The following CSMD1 variants were observed in gnomAD, a reference collection of about 807,000 sequenced individuals.
The protein encoded by CSMD1 is CUB and sushi domain-containing protein 1.
Under a neutral mutation model 417.5 loss-of-function variants are expected in CSMD1, and 213 were observed. The ratio of observed to expected loss-of-function variants is 0.51; its 90% CI spans 0.46 to 0.57. The LOEUF is 0.57. CSMD1 is among the 20% of genes least tolerant of loss of function. The pLI is 0.00. For missense variants in CSMD1, 6,923 were observed against 4,529.7 expected, an observed-to-expected ratio of 1.53 and a Z score of -15.17; for synonymous variants, 2,862 against 1,736.8, an observed-to-expected ratio of 1.65 and a Z score of -16.11.
chr8:4,644,415 TA>T (rs1208463314), intron 1 of CSMD1, among the ~76,000 whole-genome samples: 13 of 76,488 alleles, frequency 1.7e-4, no homozygotes, highest in Middle Eastern at 8.5e-3. Context: ...CCCTTTGCCC[TA>T]TTTTTTTTTG....
intron 10 of CSMD1, among the ~76,000 whole-genome samples, chr8:3,556,460 T>G (rs1455454041): frequency 6.9e-6 from 1 of 144,338 alleles, no homozygotes; most frequent in South Asian, 2.2e-4. Context: ...GTTGAGATAA[T>G]TTGTTCAGTC....
chr8:4,419,858 A>G (rs1797147661), intron 3 of CSMD1, 95 bp downstream of exon 3: 2 of 862,610 alleles, frequency 2.3e-6, no homozygotes, highest in Non-Finnish European at 3.7e-6. Flanking sequence ...ACGACCTGCG[A>G]CATAGCAGCC....
At chr8:4,250,128 C>G (rs573530148) in intron 3 of CSMD1, among the ~76,000 whole-genome samples, 1 of 152,250 alleles carries the variant, frequency 6.6e-6, no homozygotes, top group Admixed American at 6.5e-5. Flanking sequence ...TGATCAACTA[C>G]CAGTGACTTC....
In CSMD1 at chr8:4,469,290, C is replaced by G. The variant is rs377705498; in HGVS notation, c.303-49225G>C. On this transcript the variant is annotated intron_variant, in intron 2 of 69. Transcript: ENST00000635120. The stretch of plus-strand genomic sequence containing the variant: ...GCAAAGACACTATGATTGTCATAGT[C>G]AGTGGGACTTTCTCATTCTAACAAT... Among the ~76,000 whole-genome samples, 16 of 152,306 alleles carry G rather than the reference C, an allele frequency of 1.1e-4. No individual in the cohort carries two copies. The East Asian group carries it at 1.4e-3, about 13-fold the overall frequency.
chr8:4,397,852 T>A (rs1284772700), intron 3 of CSMD1, among the ~76,000 whole-genome samples: 4 of 152,150 alleles, frequency 2.6e-5, no homozygotes, highest in African/African-American at 4.8e-5. Context: ...TCAGGATACA[T>A]CTTTCTAATT....
At chr8:3,611,776 C>A (rs1801905954) in intron 8 of CSMD1, among the ~76,000 whole-genome samples, 1 of 151,942 alleles carries the variant, frequency 6.6e-6, no homozygotes, top group Non-Finnish European at 1.5e-5. Context: ...GAACTCATAA[C>A]TCGATGAATC....
In CSMD1 at chr8:3,481,174, AAAAAAC is replaced by A. The variant is rs1817725185; in HGVS notation, c.1449-12356_1449-12351del. ...CATCTCAAAAAAAAAAAAAAAAAAA[AAAAAAC>A]CAGAGTAGTTGGTAGACCTGCCCTT... On this transcript the variant is annotated intron_variant, in intron 11 of 69. Coordinates refer to ENST00000635120, the MANE Select transcript of CSMD1 (RefSeq NM_033225.6). Among the ~76,000 whole-genome samples, 5 of 150,626 alleles carry A rather than the reference AAAAAAC, an allele frequency of 3.3e-5. No individual in the cohort carries two copies. The South Asian group carries it at 1.1e-3, about 32-fold the overall frequency.
chr8:4,798,285 G>A (rs1168047147), intron 1 of CSMD1, among the ~76,000 whole-genome samples: 1 of 152,164 alleles, frequency 6.6e-6, no homozygotes, highest in Non-Finnish European at 1.5e-5. Flanking sequence ...CCTTGCGCTA[G>A]TTTGCTGAGA....
intron 8 of CSMD1, among the ~76,000 whole-genome samples, chr8:3,594,078 C>T (rs1206104588): frequency 6.6e-6 from 1 of 152,170 alleles, no homozygotes; most frequent in Non-Finnish European, 1.5e-5. Context: ...AGAACACCTC[C>T]AATATCTAAT....
chr8:4,055,968 G>A (rs534925080), intron 3 of CSMD1, among the ~76,000 whole-genome samples: 3 of 151,972 alleles, frequency 2.0e-5, no homozygotes, highest in Admixed American at 6.6e-5. Context: ...CACCCTACCT[G>A]AGTTTTCCCC....
At chr8:3,056,468 A>G (rs746230096) in intron 49 of CSMD1, among the ~76,000 whole-genome samples, 1 of 151,982 alleles carries the variant, frequency 6.6e-6, no homozygotes, top group Non-Finnish European at 1.5e-5. Context: ...CCTGAACTCA[A>G]CCCATCCTCT....
chr8:4,477,114 T>A (rs1800843313), intron 2 of CSMD1, among the ~76,000 whole-genome samples: 1 of 152,162 alleles, frequency 6.6e-6, no homozygotes, highest in South Asian at 2.1e-4. Flanking sequence ...CCACCACCTG[T>A]CTCTTAAGAG....
At chr8:3,631,915 A>C (rs372443993) in intron 7 of CSMD1, among the ~76,000 whole-genome samples, 8 of 151,998 alleles carry the variant, frequency 5.3e-5, no homozygotes, top group African/African-American at 1.9e-4. Context: ...ACGAAGCAAA[A>C]CCCCCCAGAT....
intron 1 of CSMD1, among the ~76,000 whole-genome samples, chr8:4,828,634 A>C (rs752757736): frequency 1.3e-5 from 2 of 152,158 alleles, no homozygotes; most frequent in Non-Finnish European, 2.9e-5. Context: ...TTTAAAACTG[A>C]GAACGTTACT....
intron 12 of CSMD1, among the ~76,000 whole-genome samples, chr8:3,456,887 C>G (rs948113343): frequency 6.6e-6 from 1 of 152,092 alleles, no homozygotes; most frequent in Non-Finnish European, 1.5e-5. Flanking sequence ...TAGCACTGCA[C>G]TATCCTGCCC....
At chr8:4,884,787 T>G (rs1002133820) in intron 1 of CSMD1, among the ~76,000 whole-genome samples, 5 of 152,084 alleles carry the variant, frequency 3.3e-5, no homozygotes, top group Non-Finnish European at 7.4e-5. Context: ...GAATAAGATT[T>G]GGGAAGCATG....
intron 5 of CSMD1, among the ~76,000 whole-genome samples, chr8:3,845,758 G>A (rs560583127): frequency 6.6e-6 from 1 of 152,006 alleles, no homozygotes; most frequent in Non-Finnish European, 1.5e-5. Flanking sequence ...ACATAGCTCA[G>A]AACATACTTT....
chr8:4,601,111 C>CA (rs973897048), intron 2 of CSMD1, among the ~76,000 whole-genome samples: 2 of 152,108 alleles, frequency 1.3e-5, no homozygotes, highest in African/African-American at 4.8e-5. Flanking sequence ...CATGCGCCAC[C>CA]ACGCCTGCTA....
intron 25 of CSMD1, among the ~76,000 whole-genome samples, chr8:3,289,924 T>A (rs1360364276): frequency 6.8e-6 from 1 of 147,600 alleles, no homozygotes; most frequent in Non-Finnish European, 1.5e-5. Flanking sequence ...TGAATGGTAT[T>A]GTTTAGGTTT....
Sources: gnomAD v4.1 joint callset for allele counts (sites outside exome capture counted in the v4.1 genomes callset) on GRCh38, gnomAD v4.1.1 for gene constraint, MANE v1.5 for transcripts, NCBI Gene and HGNC (gene_info 2026-07-23, HGNC 2026-07-21) for gene names.